Variants in FBXO34 observed in about 807,000 individuals in gnomAD.
FBXO34 encodes the protein F-box protein 34.
Under a neutral mutation model 24.5 loss-of-function variants are expected in FBXO34, and 12 were observed. The ratio of observed to expected loss-of-function variants is 0.49; its 90% CI spans 0.31 to 0.79. FBXO34 has a LOEUF of 0.79. Ranked by LOEUF, FBXO34 falls within the 30% of genes least tolerant of loss-of-function variation. FBXO34 has a pLI of 0.04. For missense variants in FBXO34, 823 were observed against 857.7 expected, an observed-to-expected ratio of 0.96 and a Z score of 0.51; for synonymous variants, 320 against 311.9, an observed-to-expected ratio of 1.03 and a Z score of -0.27.
chr14:55,411,197 C>G, the FBXO34 span, among the ~76,000 whole-genome samples: 9 of 152,216 alleles, frequency 5.9e-5, no homozygotes, highest in African/African-American at 1.9e-4. Context: ...CTCTTCTACT[C>G]TCTCCTCTAG....
the FBXO34 span, among the ~76,000 whole-genome samples, chr14:55,389,931 C>A: frequency 1.3e-5 from 2 of 151,880 alleles, no homozygotes; most frequent in East Asian, 3.8e-4. Flanking sequence ...AAGATTAATA[C>A]AGATTACAAT....
the FBXO34 span, among the ~76,000 whole-genome samples, chr14:55,405,163 CT>C: frequency 6.6e-6 from 1 of 152,170 alleles, no homozygotes; most frequent in Non-Finnish European, 1.5e-5. Context: ...AGCTTTTGTT[CT>C]GCTGAGTTCA....
At chr14:55,381,898 G>T in the FBXO34 span, 1 of 1,412,282 alleles carries the variant, frequency 7.1e-7, no homozygotes. Flanking sequence ...TCTTCATTTT[G>T]TTATGTCAAT....
the FBXO34 span, chr14:55,394,841 G>A: frequency 5.2e-3 from 1,601 of 307,216 alleles, 34 homozygotes; most frequent in African/African-American, 0.034. Context: ...CCCCAACTAC[G>A]GAATGCTAAG....
the FBXO34 span, among the ~76,000 whole-genome samples, chr14:55,412,524 T>C: frequency 6.6e-6 from 1 of 152,138 alleles, no homozygotes; most frequent in African/African-American, 2.4e-5. Flanking sequence ...TTGAACTAGG[T>C]AGATGGTTAG....
chr14:55,326,557 AAGATGTG>A (rs1368264711), intron 1 of FBXO34, among the ~76,000 whole-genome samples: 1 of 152,212 alleles, frequency 6.6e-6, no homozygotes, highest in African/African-American at 2.4e-5. Context: ...ATCATAGATC[AAGATGTG>A]AGACTTGCTG....
At chr14:55,383,098 G>A in the FBXO34 span, among the ~76,000 whole-genome samples, 7 of 152,164 alleles carry the variant, frequency 4.6e-5, no homozygotes, top group African/African-American at 1.7e-4. Context: ...AGTCTCTCAA[G>A]TGCTTTTCCT....
At chr14:55,438,879 A>T in the FBXO34 span, 1 of 142,744 alleles carries the variant, frequency 7.0e-6, no homozygotes. Flanking sequence ...AGTGCTGATC[A>T]TTGTCTTTAT....
chr14:55,315,142 A>C (rs1192160737), intron 1 of FBXO34, among the ~76,000 whole-genome samples: 1 of 152,262 alleles, frequency 6.6e-6, no homozygotes, highest in Non-Finnish European at 1.5e-5. Flanking sequence ...CTGAAAGTGC[A>C]TGTTAAGATT....
At chr14:55,307,221 C>A (rs1024163876) in intron 1 of FBXO34, among the ~76,000 whole-genome samples, 1 of 152,070 alleles carries the variant, frequency 6.6e-6, no homozygotes, top group African/African-American at 2.4e-5. Flanking sequence ...TTTTTCCGCC[C>A]CTCTGTTTAG....
chr14:55,393,251 G>T, the FBXO34 span, among the ~76,000 whole-genome samples: 1 of 152,090 alleles, frequency 6.6e-6, no homozygotes, highest in Non-Finnish European at 1.5e-5. Flanking sequence ...CGGGCGTGGT[G>T]GTGGGCGCCT....
intron 1 of FBXO34, among the ~76,000 whole-genome samples, chr14:55,308,116 CCTG>C (rs1427544747): frequency 6.6e-6 from 1 of 152,186 alleles, no homozygotes; most frequent in Non-Finnish European, 1.5e-5. Context: ...ACCTCATTCA[CCTG>C]CTATGATTGT....
At chr14:55,406,262 A>G in the FBXO34 span, among the ~76,000 whole-genome samples, 1 of 152,208 alleles carries the variant, frequency 6.6e-6, no homozygotes, top group African/African-American at 2.4e-5. Context: ...AAGAACTTTG[A>G]TATGCATTAT....
intron 1 of FBXO34, among the ~76,000 whole-genome samples, chr14:55,330,990 A>G (rs181379947): frequency 3.9e-5 from 6 of 152,306 alleles, no homozygotes; most frequent in Admixed American, 2.6e-4. Flanking sequence ...CTCAGTATAT[A>G]TTGAGTGAGT....
chr14:55,369,839 C>A, downstream of FBXO34: 1 of 1,614,170 alleles, frequency 6.2e-7, no homozygotes, highest in South Asian at 1.1e-5. Flanking sequence ...GCGCTCATCT[C>A]CGCTCTCATC....
At chr14:55,314,828 C>T (rs1003151205) in intron 1 of FBXO34, among the ~76,000 whole-genome samples, 1 of 152,198 alleles carries the variant, frequency 6.6e-6, no homozygotes, top group Non-Finnish European at 1.5e-5. Context: ...TAGTTGATAG[C>T]TGTTTAAGAC....
At chr14:55,405,892 G>T in the FBXO34 span, among the ~76,000 whole-genome samples, 4,611 of 151,934 alleles carry the variant, frequency 0.03, 103 homozygotes, top group Non-Finnish European at 0.044. Flanking sequence ...GGGGTGGCGG[G>T]GGGGGCAGGG....
chr14:55,419,904 T>G, the FBXO34 span, among the ~76,000 whole-genome samples: 1 of 152,226 alleles, frequency 6.6e-6, no homozygotes, highest in African/African-American at 2.4e-5. Context: ...TTACCATTAT[T>G]GAGATACTGC....
intron 1 of FBXO34, among the ~76,000 whole-genome samples, chr14:55,307,627 G>C (rs1424459989): frequency 6.6e-6 from 1 of 152,220 alleles, no homozygotes; most frequent in Admixed American, 6.5e-5. Context: ...AAGTTGCTGA[G>C]AGATAACCTA....
Sources: gnomAD v4.1 joint callset for allele counts (sites outside exome capture counted in the v4.1 genomes callset) on GRCh38, gnomAD v4.1.1 for gene constraint, MANE v1.5 for transcripts, NCBI Gene and HGNC (gene_info 2026-07-23, HGNC 2026-07-21) for gene names.